The following PSMD8 variants were observed in gnomAD, a reference collection of about 807,000 sequenced individuals.
The protein encoded by PSMD8 is proteasome 26S subunit, non-ATPase 8.
Under a neutral mutation model 40.0 loss-of-function variants are expected in PSMD8, and 30 were observed. The ratio of observed to expected loss-of-function variants is 0.75; its 90% CI spans 0.56 to 1.02. The LOEUF (loss-of-function observed/expected upper bound fraction) is 1.02. Among genes scored for constraint, PSMD8 ranks in the 50% least tolerant of loss-of-function variants. PSMD8 has a pLI of 0.00. For synonymous variants in PSMD8, 208 were observed against 192.5 expected (o/e 1.08, Z -0.67); for missense variants, 461 against 463.9 (o/e 0.99, Z 0.06).
rs1407460389 is a variant in PSMD8 at position 38,376,337 on chromosome 19, C to T, written c.434-15C>T. 3 of 1,544,444 alleles carry T rather than the reference C, an allele frequency of 1.9e-6. No individual in the cohort carries two copies. Among genetic ancestry groups the T allele is most frequent in the Non-Finnish European group, 2.6e-6 (3 of 1,139,980 alleles). On this transcript the variant is annotated splice_polypyrimidine_tract_variant and intron_variant, in intron 2 of 6. Coordinates refer to ENST00000215071, the MANE Select transcript of PSMD8 (RefSeq NM_002812.5). ...ACCTCAGTCACCTCCTGAGAGCTCA[C>T]TCTGTCACCCACAGGTGACATACTG...
chr19:38,379,280 G>A lies in PSMD8; in HGVS notation c.577G>A (p.Gly193Ser). Reference sequence around the variant, plus strand: ...GTCAGCCTATATGCACCAGCTCTTGGGCCTCAACCTCCTCTTCCTGCTGTC... The same window carrying A: ...GTCAGCCTATATGCACCAGCTCTTGAGCCTCAACCTCCTCTTCCTGCTGTC... Reference protein sequence around the residue: ...PESAYMHQLLGLNLLFLLSQN... With the variant: ...PESAYMHQLLSLNLLFLLSQN... Residue 193 changes from glycine to serine, a missense_variant, in exon 4 of 7, where the codon GGC (glycine) becomes AGC (serine). Transcript: ENST00000215071. 1 of 1,613,938 alleles carries A rather than the reference G, an allele frequency of 6.2e-7. No homozygotes were observed. The highest frequency in any genetic ancestry group is 8.5e-7 in the Non-Finnish European group (1 of 1,179,892).
In PSMD8 at chr19:38,380,263, G is replaced by A. The variant is rs998643959; in HGVS notation, c.703-636G>A. On this transcript the variant is annotated intron_variant, in intron 4 of 6. Coordinates refer to ENST00000215071, the MANE Select transcript of PSMD8 (RefSeq NM_002812.5). ...ATTGTGCCATTGCACTCCAGCCTGG[G>A]CAACAGGCTCAAAAAAGAAAAGAAA... 1.1e-4 allele frequency among the ~76,000 whole-genome samples: 16 copies of A among 152,208 alleles called. No individual in the cohort carries two copies. In the South Asian group the frequency reaches 2.5e-3, roughly 24 times the overall value.
chr19:38,381,922 G>A (rs947708357), intron 5 of PSMD8, among the ~76,000 whole-genome samples, 195 bp from the exon 6 acceptor site: 5 of 152,234 alleles, frequency 3.3e-5, no homozygotes, highest in South Asian at 2.1e-4. Context: ...GGGATCACCC[G>A]TGGCCCTTGC....
At position 38,383,239 on chromosome 19, in the gene PSMD8, C is replaced by T; in HGVS notation, c.916-14C>T. 6.2e-7 allele frequency: 1 copy of T among 1,612,284 alleles called. No individual in the cohort carries two copies. Among genetic ancestry groups the T allele is most frequent in the Non-Finnish European group, 8.5e-7 (1 of 1,179,868 alleles). ...TGATCACTCTACTCGTCTCTAATCC[C>T]TCCTTTCCTGCAGCGAGGGTGGGTC... On this transcript the variant is annotated splice_polypyrimidine_tract_variant and intron_variant, in intron 6 of 6. Coordinates refer to ENST00000215071, the MANE Select transcript of PSMD8 (RefSeq NM_002812.5).
In PSMD8 at chr19:38,374,904, G is replaced by A; in HGVS notation, c.303G>A (p.Glu101=). The change falls in exon 1 of 7, where the codon GAG becomes GAA. Residue 101 remains glutamate (E), a synonymous_variant. Transcript: ENST00000215071. ...ATGMYEQLKG[E]WNRKSPNLSK... is the part of the protein sequence containing the mutation. ...GCATGTACGAGCAACTCAAGGGCGA[G>A]TGGAACCGTAAAAGCCCCAATCTTA... 1.3e-6 allele frequency: 2 copies of A among 1,587,402 alleles called. No homozygotes were observed. The highest frequency in any genetic ancestry group is 8.5e-7 in the Non-Finnish European group (1 of 1,174,816).
intron 1 of PSMD8, chr19:38,375,280 A>C: frequency 3.4e-6 from 1 of 292,134 alleles, no homozygotes; most frequent in Non-Finnish European, 6.5e-6. Flanking sequence ...CTGTCTCTAC[A>C]TTTTTTTTTT....
At chr19:38,381,746 G>A (rs148882609) in intron 5 of PSMD8, among the ~76,000 whole-genome samples, 8 of 152,240 alleles carry the variant, frequency 5.3e-5, no homozygotes, top group Non-Finnish European at 8.8e-5. Context: ...CTCTTGATGG[G>A]TACAAGGAAC....
In PSMD8 at chr19:38,374,578, G is replaced by T; in HGVS notation, c.-24G>T. Reference sequence around the variant, plus strand: ...ACTTCCGGTCACCATCTTGAGTGACGACAGAGGCGGAGCTCCAACTGACAT... The same window carrying T: ...ACTTCCGGTCACCATCTTGAGTGACTACAGAGGCGGAGCTCCAACTGACAT... On this transcript the variant is annotated 5_prime_UTR_variant, in exon 1 of 7. Coordinates refer to ENST00000215071, the MANE Select transcript of PSMD8 (RefSeq NM_002812.5). 1 of 1,443,046 alleles carries T rather than the reference G, an allele frequency of 6.9e-7. No homozygotes were observed. Among genetic ancestry groups the T allele is most frequent in the South Asian group, 1.5e-5 (1 of 68,570 alleles). The allele number at this position is 1,443,046 out of a possible 1,614,324, so 89.4% of individuals were successfully genotyped here. A position where few individuals can be genotyped will look rare whatever the true frequency, so the allele number is the denominator to read the frequency against.
chr19:38,382,628 G>A (rs747770505), intron 6 of PSMD8: 10 of 361,862 alleles, frequency 2.8e-5, no homozygotes, highest in Middle Eastern at 7.6e-4. Context: ...AGTGGCTCCC[G>A]CGCACCAAGG....
chr19:38,381,307 C>A, intron 5 of PSMD8: 1 of 241,532 alleles, frequency 4.1e-6, no homozygotes, highest in Non-Finnish European at 8.1e-6. Flanking sequence ...CCTAGATACC[C>A]ATCCAGTGAG....
In PSMD8 at chr19:38,374,712, T is replaced by G; in HGVS notation, c.111T>G (p.Ser37=). The G allele has an allele frequency of 6.5e-7, 1 of 1,545,672 alleles. No homozygotes were observed. Among genetic ancestry groups the G allele is most frequent in the Non-Finnish European group, 8.7e-7 (1 of 1,148,450 alleles). Residue 37 remains serine (S), a synonymous_variant, in exon 1 of 7, where the codon TCT becomes TCG. Coordinates refer to ENST00000215071, the MANE Select transcript of PSMD8 (RefSeq NM_002812.5). ...CGCCCCGGGCCTTGGGCTCCACCTC[T>G]CGGCCCCACTTCCGCCGGGCAAGCG... The part of the protein sequence containing the change: ...VAPPRALGST[S]RPHFRRASVC...
intron 1 of PSMD8, chr19:38,375,562 A>C (rs927685631): frequency 5.8e-6 from 1 of 172,246 alleles, no homozygotes; most frequent in Non-Finnish European, 1.3e-5. Flanking sequence ...AGGATCTGAG[A>C]GATCTGGGGC....
intron 3 of PSMD8, among the ~76,000 whole-genome samples, chr19:38,377,750 C>T (rs1334119739): frequency 7.5e-6 from 1 of 133,438 alleles, no homozygotes; most frequent in Admixed American, 8.2e-5. Flanking sequence ...CTGCCTCAGC[C>T]TCCCTCAGCC....
intron 1 of PSMD8, chr19:38,375,197 T>G: frequency 1.5e-6 from 1 of 652,850 alleles, no homozygotes; most frequent in South Asian, 2.0e-5. Flanking sequence ...TCGCAGCGCT[T>G]TGGGAGGCCG....
chr19:38,383,593 A>G lies in PSMD8; in HGVS notation c.*203A>G. 1.5e-6 allele frequency: 1 copy of G among 685,908 alleles called. No individual in the cohort carries two copies. The highest frequency in any genetic ancestry group is 2.4e-6 in the Non-Finnish European group (1 of 419,352). 42.5% of individuals were successfully genotyped at this position (685,908 alleles called of 1,614,324 possible). A position where few individuals can be genotyped will look rare whatever the true frequency, so the allele number is the denominator to read the frequency against. On this transcript the variant is annotated 3_prime_UTR_variant, in exon 7 of 7. Transcript: ENST00000215071. ...GTTGGAGATAGCCTCCAACTGGGTC[A>G]GCCTCTGTCTGGTGGGCATTGCTCA... is the stretch of plus-strand genomic sequence containing the variant.
chr19:38,382,255 G>T, intron 6 of PSMD8, 27 bp downstream of exon 6: 1 of 1,532,430 alleles, frequency 6.5e-7, no homozygotes. Flanking sequence ...GCAAGGGGCC[G>T]TGGGACCAAG....
Position 38,374,786 on chromosome 19 carries a change from G to C in PSMD8, c.185G>C (p.Arg62Pro), listed in dbSNP as rs1280117566. ...TCAGGCGGTCTGCTTGCCGCATCAC[G>C]CAAGATGGCGGCCGCGGCGGTGAAC... is the stretch of plus-strand genomic sequence containing the variant. ...RKSGGLLAAS[R>P]KMAAAAVNGA... Residue 62 changes from arginine (R) to proline (P), a missense_variant, in exon 1 of 7, where the codon CGC (arginine) becomes CCC (proline). By Grantham distance (103) the Arg-to-Pro change is moderately radical. Around this residue, in one of 2 missense-constraint regions of PSMD8, gnomAD observed 225 missense variants for 142.7 expected, o/e 1.58. Coordinates refer to ENST00000215071, the MANE Select transcript of PSMD8 (RefSeq NM_002812.5). 16 of 1,571,786 alleles carry C rather than the reference G, an allele frequency of 1.0e-5. No individual in the cohort carries two copies. In the Admixed American group the frequency reaches 2.2e-4, roughly 21 times the overall value.
chr19:38,379,414 G>T lies in PSMD8; in HGVS notation c.702+9G>T. On this transcript the variant is annotated intron_variant, in intron 4 of 6. Transcript: ENST00000215071. ...CAGTGTCCCTGGAGCAAGTGAGATG[G>T]CAAGGGGCAGGGGAGGACCTGGCCA... 6.2e-7 allele frequency: 1 copy of T among 1,613,726 alleles called. No individual in the cohort carries two copies. Among genetic ancestry groups the T allele is most frequent in the Non-Finnish European group, 8.5e-7 (1 of 1,179,792 alleles).
chr19:38,381,352 G>T (rs542623033), intron 5 of PSMD8: 2 of 190,456 alleles, frequency 1.1e-5, no homozygotes, highest in African/African-American at 4.7e-5. Flanking sequence ...CAAAACTGTG[G>T]AACCCTCAGT....
Sources: allele counts gnomAD v4.1 joint callset (sites outside exome capture counted in the v4.1 genomes callset), GRCh38; gene constraint gnomAD v4.1.1; regional missense constraint gnomAD v4.1.1; transcripts MANE v1.5; gene names NCBI Gene and HGNC (gene_info 2026-07-23, HGNC 2026-07-21).